MDGA2: variants seen among roughly 807,000 people sequenced by gnomAD.
The protein encoded by MDGA2 is MAM domain-containing glycosylphosphatidylinositol anchor protein 2.
A neutral mutation model predicts 117.8 loss-of-function variants in MDGA2; 40 were observed. The ratio of observed to expected loss-of-function variants is 0.34; its 90% confidence interval spans 0.26 to 0.44. The LOEUF is 0.44. Among genes scored for constraint, MDGA2 ranks in the 20% least tolerant of loss-of-function variants. The pLI is 1.00. For missense variants in MDGA2, 1,123 were observed against 1,250.6 expected (o/e 0.90, Z 1.54); for synonymous variants, 452 against 439.0 (o/e 1.03, Z -0.37).
intron 1 of MDGA2, among the ~76,000 whole-genome samples, chr14:47,334,458 T>A (rs1029263680): frequency 1.3e-5 from 2 of 151,852 alleles, no homozygotes; most frequent in African/African-American, 4.8e-5. Context: ...TCACTGAACC[T>A]CCGGAAGCAT....
chr14:47,134,024 G>T (rs1197863367), intron 4 of MDGA2, among the ~76,000 whole-genome samples: 1 of 151,908 alleles, frequency 6.6e-6, no homozygotes, highest in Non-Finnish European at 1.5e-5. Context: ...TACATTTAAG[G>T]TATACAACTG....
chr14:47,612,425 GT>G (rs1224954883), intron 1 of MDGA2, among the ~76,000 whole-genome samples: 2 of 151,998 alleles, frequency 1.3e-5, no homozygotes, highest in Admixed American at 1.3e-4. Context: ...ACTTCAAAAT[GT>G]TTTTTTCAAA....
At chr14:47,525,749 C>CT (rs1044883478) in intron 1 of MDGA2, among the ~76,000 whole-genome samples, 1 of 148,228 alleles carries the variant, frequency 6.7e-6, no homozygotes. Context: ...TTCTCTCTCT[C>CT]TTTTTTTGCA....
intron 2 of MDGA2, among the ~76,000 whole-genome samples, chr14:47,226,106 A>G (rs1484063903): frequency 6.6e-6 from 1 of 151,882 alleles, no homozygotes; most frequent in African/African-American, 2.4e-5. Context: ...TCTGGGCAAC[A>G]TAGGGAGACC....
chr14:46,957,634 G>T lies in MDGA2; in HGVS notation c.1829C>A (p.Ala610Glu). 6.2e-7 allele frequency: 1 copy of T among 1,614,094 alleles called. No individual in the cohort carries two copies. Among genetic ancestry groups the T allele is most frequent in the African/African-American group, 1.3e-5 (1 of 75,030 alleles). ...GATTTCCAAGAATGCTGGTTCCACT[G>T]CAGGGGGATCTGTAGAAAAGATATG... ...LVQLIVQYPP[A>E]VEPAFLEIRQ... The change falls in exon 9 of 17, where the codon GCA becomes GAA. Residue 610 changes from alanine (A) to glutamate (E), a missense_variant. Ala to Glu is a moderately radical substitution (Grantham distance 107, BLOSUM62 -1). Coordinates refer to ENST00000399232, the MANE Select transcript of MDGA2 (RefSeq NM_001113498.3).
intron 3 of MDGA2, among the ~76,000 whole-genome samples, chr14:47,204,702 T>C (rs1043854959): frequency 1.3e-5 from 2 of 152,016 alleles, no homozygotes; most frequent in Non-Finnish European, 2.9e-5. Context: ...TTCAGACTCA[T>C]AGTGAACTTG....
rs554768011 is a variant in MDGA2, at chr14:47,539,689, G to T, written c.280+134828C>A. ...TTGTATCTGAGAGAAGTGGGGGATA[G>T]TTATATAAGGTAAATCATATCCAGC... is the stretch of plus-strand genomic sequence containing the variant. On this transcript the variant is annotated intron_variant, in intron 1 of 16. Coordinates refer to ENST00000399232, the MANE Select transcript of MDGA2 (RefSeq NM_001113498.3). 5.4e-4 allele frequency among the ~76,000 whole-genome samples: 83 copies of T among 152,324 alleles called. 1 individual carries two copies. The highest frequency in any genetic ancestry group is 2.0e-3 in the African/African-American group (83 of 41,570).
chr14:47,163,405 G>T (rs1473408119), intron 3 of MDGA2, among the ~76,000 whole-genome samples: 1 of 152,134 alleles, frequency 6.6e-6, no homozygotes, highest in Non-Finnish European at 1.5e-5. Flanking sequence ...ACTGAATCAT[G>T]ATGGTGGGTT....
chr14:47,246,802 AACAC>A (rs34773547), intron 2 of MDGA2, among the ~76,000 whole-genome samples: 36 of 141,842 alleles, frequency 2.5e-4, no homozygotes, highest in Admixed American at 7.9e-4. Context: ...CAGGTAATGA[AACAC>A]ACACACACAC....
intron 2 of MDGA2, among the ~76,000 whole-genome samples, chr14:47,265,950 T>G (rs930123725): frequency 2.0e-5 from 3 of 152,226 alleles, no homozygotes; most frequent in South Asian, 2.1e-4. Context: ...TCCACAAATC[T>G]TTACTACTAT....
chr14:47,173,150 G>A (rs552043412), intron 3 of MDGA2, among the ~76,000 whole-genome samples: 2 of 152,312 alleles, frequency 1.3e-5, no homozygotes, highest in Admixed American at 1.3e-4. Context: ...GGGACTATAC[G>A]AAAAGACCAA....
intron 8 of MDGA2, among the ~76,000 whole-genome samples, chr14:47,002,119 T>A (rs1232154871): frequency 1.3e-5 from 2 of 152,042 alleles, no homozygotes; most frequent in Non-Finnish European, 2.9e-5. Flanking sequence ...ATGCAAATAT[T>A]AGACTAACAC....
At chr14:47,395,095 C>T (rs1891979117) in intron 1 of MDGA2, among the ~76,000 whole-genome samples, 1 of 152,126 alleles carries the variant, frequency 6.6e-6, no homozygotes, top group Non-Finnish European at 1.5e-5. Flanking sequence ...TTCGAGGATG[C>T]AGTGAGCTAT....
chr14:47,038,270 C>T (rs1395773928), intron 7 of MDGA2, among the ~76,000 whole-genome samples: 5 of 151,942 alleles, frequency 3.3e-5, no homozygotes, highest in Admixed American at 6.6e-5. Flanking sequence ...CTTTATTAGC[C>T]TCAACGTTAT....
chr14:47,522,610 GTT>G (rs1843615207), intron 1 of MDGA2, among the ~76,000 whole-genome samples: 1 of 65,910 alleles, frequency 1.5e-5, no homozygotes, highest in Non-Finnish European at 3.3e-5. Context: ...AATTTTAACA[GTT>G]ATACAAGGAA....
intron 8 of MDGA2, among the ~76,000 whole-genome samples, chr14:46,963,104 G>A (rs904178667): frequency 2.4e-4 from 37 of 152,120 alleles, no homozygotes; most frequent in African/African-American, 8.9e-4. Context: ...TATATAATTT[G>A]GGTTTGGGGT....
chr14:47,597,657 C>A (rs1466281905), intron 1 of MDGA2, among the ~76,000 whole-genome samples: 1 of 151,898 alleles, frequency 6.6e-6, no homozygotes, highest in African/African-American at 2.4e-5. Flanking sequence ...TCACAATAGA[C>A]CTTTGCCAAA....
intron 10 of MDGA2, among the ~76,000 whole-genome samples, chr14:46,895,845 A>C (rs1166469696): frequency 6.6e-6 from 1 of 152,160 alleles, no homozygotes. Context: ...TTGATTCTGC[A>C]ATGCCGCCTG....
chr14:47,060,751 A>C (rs1462171737), intron 7 of MDGA2, among the ~76,000 whole-genome samples: 1 of 152,114 alleles, frequency 6.6e-6, no homozygotes, highest in African/African-American at 2.4e-5. Flanking sequence ...TCTGCAAAAA[A>C]ATCACATCTG....
Sources: gnomAD v4.1 joint callset for allele counts (sites outside exome capture counted in the v4.1 genomes callset) on GRCh38, gnomAD v4.1.1 for gene constraint, MANE v1.5 for transcripts, NCBI Gene and HGNC (gene_info 2026-07-23, HGNC 2026-07-21) for gene names.